The following DTX4 variants were observed in gnomAD, a reference collection of about 807,000 sequenced individuals.
The protein encoded by DTX4 is deltex E3 ubiquitin ligase 4, also known as E3 ubiquitin-protein ligase DTX4.
DTX4 carries 28 observed loss-of-function variants against 57.6 expected under a neutral mutation model. The ratio of observed to expected loss-of-function variants is 0.49; its 90% confidence interval spans 0.36 to 0.67. The LOEUF is 0.67. DTX4 is among the 30% of genes least tolerant of loss of function. DTX4 has a pLI of 0.00. For missense variants in DTX4, 715 were observed against 836.8 expected (o/e 0.85, Z 1.80); for synonymous variants, 316 against 331.0 (o/e 0.95, Z 0.49).
rs554786397 is a variant in DTX4, at chr11:59,177,326, G to A, written c.212-4413G>A. Among the ~76,000 whole-genome samples the A allele has an allele frequency of 3.3e-5, 5 of 152,260 alleles. No individual in the cohort carries two copies. In the East Asian group the frequency reaches 5.8e-4, roughly 18 times the overall value. ...AATTCATACCCCAGGAGATTCTGAC[G>A]GAGGCGATCCTCAAACCTCACTTGG... On this transcript the variant is annotated intron_variant, in intron 1 of 8. Coordinates refer to ENST00000227451, the MANE Select transcript of DTX4 (RefSeq NM_015177.2).
intron 7 of DTX4, among the ~76,000 whole-genome samples, chr11:59,198,192 G>C (rs1484742032): frequency 6.6e-6 from 1 of 152,312 alleles, no homozygotes; most frequent in Non-Finnish European, 1.5e-5. Flanking sequence ...AGGCAGAGTC[G>C]TGACTGCTCC....
At chr11:59,200,225 G>A (rs913497698) in intron 8 of DTX4, among the ~76,000 whole-genome samples, 5 of 152,166 alleles carry the variant, frequency 3.3e-5, no homozygotes, top group African/African-American at 9.7e-5. Flanking sequence ...TCACTACCAT[G>A]AGAACAGTAT....
chr11:59,181,171 T>C (rs1862457720), intron 1 of DTX4, among the ~76,000 whole-genome samples: 1 of 152,134 alleles, frequency 6.6e-6, no homozygotes, highest in African/African-American at 2.4e-5. Context: ...TCCTCATGAC[T>C]CTTGGCACAA....
chr11:59,175,858 C>T (rs913087036), intron 1 of DTX4, among the ~76,000 whole-genome samples: 2 of 151,658 alleles, frequency 1.3e-5, no homozygotes, highest in Admixed American at 6.6e-5. Flanking sequence ...CTGTTTACTC[C>T]GTGACCTTGA....
At chr11:59,189,449 A>C in intron 4 of DTX4, 126 bp downstream of exon 4, 1 of 919,956 alleles carries the variant, frequency 1.1e-6, no homozygotes, top group Non-Finnish European at 1.6e-6. Flanking sequence ...TGCATCTGTA[A>C]GTGGGCCTAA....
At chr11:59,172,883 C>T in intron 1 of DTX4, 77 bp downstream of exon 1, 2 of 1,205,728 alleles carry the variant, frequency 1.7e-6, no homozygotes, top group South Asian at 3.1e-5. Context: ...TCCCTGTGAA[C>T]CCACCTTGGC....
intron 6 of DTX4, among the ~76,000 whole-genome samples, chr11:59,193,123 C>T (rs1322318648): frequency 2.0e-5 from 3 of 151,474 alleles, no homozygotes; most frequent in East Asian, 3.9e-4. Flanking sequence ...TCTGTCTGGT[C>T]TGGTCTATAC....
chr11:59,172,062 G>A (rs1862330386), upstream of DTX4, among the ~76,000 whole-genome samples: 1 of 151,584 alleles, frequency 6.6e-6, no homozygotes, highest in South Asian at 2.1e-4. Flanking sequence ...TCTCCCAGCG[G>A]CGGGGACTGC....
intron 1 of DTX4, among the ~76,000 whole-genome samples, chr11:59,178,215 C>A (rs569935301): frequency 7.7e-4 from 117 of 151,634 alleles, no homozygotes; most frequent in African/African-American, 2.7e-3. Context: ...AGATTGAAGG[C>A]CAGTGTAGCT....
At chr11:59,200,971 G>A (rs1484792155) in intron 8 of DTX4, among the ~76,000 whole-genome samples, 2 of 152,198 alleles carry the variant, frequency 1.3e-5, no homozygotes, top group African/African-American at 4.8e-5. Flanking sequence ...GTCTTAGTCT[G>A]TTCTGGCTGC....
intron 2 of DTX4, chr11:59,185,335 C>G (rs1862514985): frequency 6.6e-6 from 1 of 152,204 alleles, no homozygotes; most frequent in Admixed American, 6.6e-5. Flanking sequence ...GATATACTCC[C>G]TCCCTCAAAA....
intron 6 of DTX4, 37 bp from the exon 7 acceptor site, chr11:59,195,171 G>C: frequency 4.3e-6 from 7 of 1,611,924 alleles, no homozygotes; most frequent in East Asian, 2.2e-5. Context: ...TACCAAAACT[G>C]TTTCCCAATC....
chr11:59,173,473 T>A (rs1043172485), intron 1 of DTX4, among the ~76,000 whole-genome samples: 1 of 152,086 alleles, frequency 6.6e-6, no homozygotes, highest in Admixed American at 6.5e-5. Flanking sequence ...ACACACTACA[T>A]GCGCGGAAGC....
intron 8 of DTX4, among the ~76,000 whole-genome samples, chr11:59,201,518 C>T (rs572723706): frequency 6.6e-6 from 1 of 152,316 alleles, no homozygotes; most frequent in African/African-American, 2.4e-5. Flanking sequence ...TTCACAGGCC[C>T]CAACAAGTCC....
chr11:59,199,804 G>GT, intron 8 of DTX4, 31 bp downstream of exon 8: 1 of 1,537,168 alleles, frequency 6.5e-7, no homozygotes, highest in Non-Finnish European at 8.8e-7. Context: ...ATAGAACTAG[G>GT]TTTTAGAATA....
chr11:59,189,056 C>T, intron 3 of DTX4, 106 bp from the exon 4 acceptor site: 2 of 1,378,416 alleles, frequency 1.5e-6, no homozygotes. Context: ...ATTATGAGAA[C>T]TTTCTGCTGG....
intron 2 of DTX4, among the ~76,000 whole-genome samples, chr11:59,187,008 G>T (rs1299666327): frequency 6.6e-6 from 1 of 152,178 alleles, no homozygotes; most frequent in African/African-American, 2.4e-5. Flanking sequence ...CCCTGGGAAG[G>T]GACAGAGCCC....
At chr11:59,180,369 G>A (rs1862448409) in intron 1 of DTX4, among the ~76,000 whole-genome samples, 1 of 152,188 alleles carries the variant, frequency 6.6e-6, no homozygotes, top group African/African-American at 2.4e-5. Context: ...TCTCCCTTGT[G>A]TCTCTGAATG....
chr11:59,204,418 T>C (rs1160499571), intron 8 of DTX4, among the ~76,000 whole-genome samples: 4 of 152,178 alleles, frequency 2.6e-5, no homozygotes, highest in Admixed American at 2.0e-4. Flanking sequence ...GATTGTACCA[T>C]TGCCATTTCA....
Sources: allele counts gnomAD v4.1 joint callset (sites outside exome capture counted in the v4.1 genomes callset), GRCh38; gene constraint gnomAD v4.1.1; transcripts MANE v1.5; gene names NCBI Gene and HGNC (gene_info 2026-07-23, HGNC 2026-07-21).